NECAB1: variants seen among roughly 807,000 people sequenced by gnomAD.
The protein encoded by NECAB1 is N-terminal EF-hand calcium binding protein 1.
A neutral mutation model predicts 57.5 loss-of-function variants in NECAB1; 29 were observed. The observed-to-expected ratio is 0.50, with a 90% CI of 0.38 to 0.69. The LOEUF (loss-of-function observed/expected upper bound fraction) is 0.69. NECAB1 is among the 30% of genes least tolerant of loss of function. The pLI is 0.00. For synonymous variants in NECAB1, 142 were observed against 147.7 expected (o/e 0.96, Z 0.28); for missense variants, 372 against 413.8 (o/e 0.90, Z 0.88).
rs1313827753 is a variant in NECAB1 at position 90,949,902 on chromosome 8, C to T, written c.938+18C>T. Reference sequence around the variant, plus strand: ...TGGAATAGGTAAGTTGTGAGCAAGCCTGATTTTATGTGAAGCCAGGAAGGT... The same window carrying T: ...TGGAATAGGTAAGTTGTGAGCAAGCTTGATTTTATGTGAAGCCAGGAAGGT... On this transcript the variant is annotated intron_variant, in intron 11 of 12. Coordinates refer to ENST00000417640, the MANE Select transcript of NECAB1 (RefSeq NM_022351.5). 6.6e-7 allele frequency: 1 copy of T among 1,517,576 alleles called. No individual in the cohort carries two copies. Among genetic ancestry groups the T allele is most frequent in the East Asian group, 2.3e-5 (1 of 43,664 alleles). The allele number at this position is 1,517,576 out of a possible 1,614,324, so 94.0% of individuals were successfully genotyped here. A position where few individuals can be genotyped will look rare whatever the true frequency, so the allele number is the denominator to read the frequency against.
At position 90,956,624 on chromosome 8, in the gene NECAB1, T is replaced by C. The variant is rs1432809886; in HGVS notation, c.*1112T>C. ...ACCTTGCTAATGAAAATACAATACA[T>C]ATAAAAATGTATAGCCATGTTATTT... On this transcript the variant is annotated 3_prime_UTR_variant, in exon 13 of 13. Transcript: ENST00000417640. 1 of 151,832 alleles carries C rather than the reference T, an allele frequency of 6.6e-6. No homozygotes were observed. The highest frequency in any genetic ancestry group is 1.5e-5 in the Non-Finnish European group (1 of 67,872). 9.4% of individuals were successfully genotyped at this position (151,832 alleles called of 1,614,324 possible).
At chr8:90,834,596 T>C (rs543042854) in intron 3 of NECAB1, among the ~76,000 whole-genome samples, 1 of 152,292 alleles carries the variant, frequency 6.6e-6, no homozygotes, top group South Asian at 2.1e-4. Context: ...GCAATAAATT[T>C]CTGTTGCTTA....
chr8:90,945,005 C>T (rs1045120562), intron 10 of NECAB1, among the ~76,000 whole-genome samples: 4 of 152,230 alleles, frequency 2.6e-5, no homozygotes, highest in African/African-American at 9.6e-5. Flanking sequence ...TCAAGTGATC[C>T]TCTCACCTCA....
chr8:90,927,409 C>T (rs1810300782), intron 7 of NECAB1, among the ~76,000 whole-genome samples: 1 of 152,004 alleles, frequency 6.6e-6, no homozygotes, highest in African/African-American at 2.4e-5. Flanking sequence ...AATTCAATCA[C>T]ATTCTGATTT....
At chr8:90,826,522 G>T (rs1393105744) in intron 3 of NECAB1, among the ~76,000 whole-genome samples, 2 of 151,930 alleles carry the variant, frequency 1.3e-5, no homozygotes, top group Non-Finnish European at 2.9e-5. Flanking sequence ...TAAAAGAGCA[G>T]AGGCTCCCCT....
intron 10 of NECAB1, among the ~76,000 whole-genome samples, chr8:90,945,326 A>G (rs1457060698): frequency 6.6e-6 from 1 of 152,162 alleles, no homozygotes; most frequent in African/African-American, 2.4e-5. Context: ...TCAGTCTCCC[A>G]AAGTGCTGGA....
At chr8:90,900,598 A>T (rs1002924325) in intron 5 of NECAB1, among the ~76,000 whole-genome samples, 1 of 152,210 alleles carries the variant, frequency 6.6e-6, no homozygotes, top group Non-Finnish European at 1.5e-5. Flanking sequence ...GGGTAGAATT[A>T]GTTCTTTCCC....
intron 2 of NECAB1, among the ~76,000 whole-genome samples, chr8:90,821,040 T>C (rs533280143): frequency 2.8e-4 from 43 of 151,996 alleles, no homozygotes; most frequent in Non-Finnish European, 4.3e-4. Flanking sequence ...TCTTCCTTGT[T>C]GTAGGCATTC....
chr8:90,935,556 G>T (rs1263608761), intron 9 of NECAB1, among the ~76,000 whole-genome samples: 1 of 152,076 alleles, frequency 6.6e-6, no homozygotes, highest in Non-Finnish European at 1.5e-5. Flanking sequence ...AGTCCCGGAG[G>T]CACAGGAATT....
intron 5 of NECAB1, among the ~76,000 whole-genome samples, chr8:90,909,905 A>G (rs995519513): frequency 2.6e-5 from 4 of 152,170 alleles, no homozygotes; most frequent in African/African-American, 9.6e-5. Flanking sequence ...GTTAGTTTCT[A>G]TCCTTCCTTA....
chr8:90,927,614 C>CACACAT (rs1810305815), intron 7 of NECAB1, among the ~76,000 whole-genome samples: 1 of 147,324 alleles, frequency 6.8e-6, no homozygotes, highest in African/African-American at 2.6e-5. Flanking sequence ...GCTAGATACA[C>CACACAT]ACACACACAC....
intron 3 of NECAB1, among the ~76,000 whole-genome samples, chr8:90,860,238 C>CT (rs34293565): frequency 0.051 from 6,936 of 136,804 alleles, 581 homozygotes; most frequent in African/African-American, 0.16. Flanking sequence ...TCTTTTTTTT[C>CT]TTTTTTTTTT....
At chr8:90,885,065 G>T (rs896807011) in intron 5 of NECAB1, among the ~76,000 whole-genome samples, 2 of 152,136 alleles carry the variant, frequency 1.3e-5, no homozygotes, top group African/African-American at 4.8e-5. Context: ...CCTCTAACTG[G>T]GTAAGGAGGA....
intron 8 of NECAB1, among the ~76,000 whole-genome samples, chr8:90,931,522 G>A (rs530497226): frequency 2.6e-5 from 4 of 152,284 alleles, no homozygotes; most frequent in African/African-American, 9.6e-5. Context: ...GGTTTCTTTA[G>A]GTATTCCTTG....
chr8:90,940,210 G>T (rs1228473809), intron 9 of NECAB1: 8 of 152,576 alleles, frequency 5.2e-5, no homozygotes, highest in South Asian at 2.1e-4. Context: ...AGGGCCTGTT[G>T]TAAGTAGTTA....
At position 90,824,790 on chromosome 8, in the gene NECAB1, C is replaced by T. The variant is rs199995506; in HGVS notation, c.198C>T (p.His66=). 5,759 of 1,548,952 alleles carry T rather than the reference C, an allele frequency of 3.7e-3. 14 individuals carry two copies. Among genetic ancestry groups the T allele is most frequent in the Non-Finnish European group, 4.5e-3 (5,105 of 1,143,842 alleles). The part of the protein sequence containing the change: ...ADGVLSGEEL[H]ELFHTIDTHN... ...GTGTTCTCAGTGGAGAAGAATTACACGAGCTTTTCCATACCATTGATACAC... is the reference window on the plus strand; with the variant it reads ...GTGTTCTCAGTGGAGAAGAATTACATGAGCTTTTCCATACCATTGATACAC... The change falls in exon 3 of 13, where the codon CAC becomes CAT. Residue 66 remains histidine, a synonymous_variant. Coordinates refer to ENST00000417640, the MANE Select transcript of NECAB1 (RefSeq NM_022351.5).
rs1292990624 is a variant in NECAB1 at position 90,957,628 on chromosome 8, C to T, written c.*2116C>T. ...ATGTGTGTGAGTGTGTATTCACATACACATATATACTGGAACCTATAGTAG... is the reference window on the plus strand; with the variant it reads ...ATGTGTGTGAGTGTGTATTCACATATACATATATACTGGAACCTATAGTAG... On this transcript the variant is annotated 3_prime_UTR_variant, in exon 13 of 13. Coordinates refer to ENST00000417640, the MANE Select transcript of NECAB1 (RefSeq NM_022351.5). The T allele has an allele frequency of 7.3e-6, 1 of 137,606 alleles. No individual in the cohort carries two copies. The highest frequency in any genetic ancestry group is 2.7e-5 in the African/African-American group (1 of 36,822). 8.5% of individuals were successfully genotyped at this position (137,606 alleles called of 1,614,324 possible).
At chr8:90,952,821 G>C (rs1280368933) in intron 12 of NECAB1, among the ~76,000 whole-genome samples, 1 of 138,666 alleles carries the variant, frequency 7.2e-6, no homozygotes, top group Non-Finnish European at 1.5e-5. Context: ...AAATAAAATA[G>C]GGAGAAAAAT....
Position 90,791,963 on chromosome 8 carries a change from A to G in NECAB1, c.77A>G (p.Lys26Arg). The G allele has an allele frequency of 6.4e-7, 1 of 1,552,606 alleles. No individual in the cohort carries two copies. The highest frequency in any genetic ancestry group is 8.7e-7 in the Non-Finnish European group (1 of 1,147,488). Reference sequence around the variant, plus strand: ...CTCAGCTCTGCTCTGCACCTGTCCAAGGGCATGTCGATCTTCCTCGACGTA... The same window carrying G: ...CTCAGCTCTGCTCTGCACCTGTCCAGGGGCATGTCGATCTTCCTCGACGTA... ...EELSSALHLS[K>R]GMSIFLDILR... The change falls in exon 1 of 13, where the codon AAG (lysine) becomes AGG (arginine). Residue 26 changes from lysine (K) to arginine (R), a missense_variant. Transcript: ENST00000417640.
Sources: allele counts gnomAD v4.1 joint callset (sites outside exome capture counted in the v4.1 genomes callset), GRCh38; gene constraint gnomAD v4.1.1; transcripts MANE v1.5; gene names NCBI Gene and HGNC (gene_info 2026-07-23, HGNC 2026-07-21).